The following BMP1 variants were observed in gnomAD, a reference collection of about 807,000 sequenced individuals.
BMP1 encodes bone morphogenetic protein 1.
A neutral mutation model predicts 116.8 loss-of-function variants in BMP1; 63 were observed. The observed-to-expected ratio is 0.54, with a 90% CI of 0.44 to 0.67. BMP1 has a LOEUF of 0.67. Among genes scored for constraint, BMP1 ranks in the 30% least tolerant of loss-of-function variants. BMP1 has a pLI of 0.00. For synonymous variants in BMP1, 536 were observed against 533.4 expected, an observed-to-expected ratio of 1.00 and a Z score of -0.07; for missense variants, 1,183 against 1,358.9, an observed-to-expected ratio of 0.87 and a Z score of 2.04.
intron 16 of BMP1, among the ~76,000 whole-genome samples, chr8:22,202,986 G>C (rs187134616): frequency 6.6e-6 from 1 of 152,086 alleles, no homozygotes; most frequent in Admixed American, 6.6e-5. Flanking sequence ...CTCCAGCCTG[G>C]GTGACAGAGT....
chr8:22,184,255 T>C (rs1828705355), intron 8 of BMP1, among the ~76,000 whole-genome samples: 1 of 152,190 alleles, frequency 6.6e-6, no homozygotes, highest in Admixed American at 6.5e-5. Flanking sequence ...GGGTATGGCA[T>C]TGGGCTAGGA....
In BMP1 at chr8:22,185,943, C is replaced by T. The variant is rs916658305; in HGVS notation, c.1077+5460C>T. The stretch of plus-strand genomic sequence containing the variant: ...CTCCGCCTCCCGGGTTCAAGTGATT[C>T]TCCTGCCTCAGCCTCCCCAGTAGCT... On this transcript the variant is annotated intron_variant, in intron 8 of 19. Transcript: ENST00000306385. Among the ~76,000 whole-genome samples the T allele has an allele frequency of 2.0e-5, 3 of 146,562 alleles. No homozygotes were observed. In the South Asian group the frequency reaches 6.5e-4, roughly 32 times the overall value.
intron 15 of BMP1, chr8:22,199,290 C>T (rs1167728780): frequency 7.3e-7 from 1 of 1,366,950 alleles, no homozygotes; most frequent in East Asian, 4.6e-5. Context: ...ACTTTTGGGA[C>T]ACCCACCGAG....
At chr8:22,195,087 T>C (rs539845038) in intron 12 of BMP1, among the ~76,000 whole-genome samples, 168 bp downstream of exon 12, 10 of 152,144 alleles carry the variant, frequency 6.6e-5, no homozygotes, top group African/African-American at 2.2e-4. Flanking sequence ...GGTCCCCCAA[T>C]GTGGATTAGA....
intron 1 of BMP1, chr8:22,169,595 G>C (rs1828218069): frequency 6.6e-6 from 1 of 152,282 alleles, no homozygotes; most frequent in Non-Finnish European, 1.5e-5. Context: ...CTGCAGAAGT[G>C]TTCACATGTG....
intron 16 of BMP1, among the ~76,000 whole-genome samples, chr8:22,203,999 C>G (rs1422816583): frequency 1.3e-5 from 2 of 152,228 alleles, no homozygotes; most frequent in East Asian, 3.8e-4. Context: ...TGTGTGGTTT[C>G]TTACTCAGGT....
At chr8:22,202,657 G>A (rs62494053) in intron 16 of BMP1, among the ~76,000 whole-genome samples, 24,864 of 152,206 alleles carry the variant, frequency 0.16, 2,160 homozygotes, top group African/African-American at 0.22. Flanking sequence ...AGACCAGCCT[G>A]AGCAACATAG....
At chr8:22,169,534 C>T (rs779686447) in intron 1 of BMP1, 1 of 152,294 alleles carries the variant, frequency 6.6e-6, no homozygotes, top group Non-Finnish European at 1.5e-5. Flanking sequence ...GCATGTTCAC[C>T]TGTGATCGGT....
chr8:22,201,006 C>CCCCCCCCCCCCCCCA, intron 15 of BMP1: 1 of 457,204 alleles, frequency 2.2e-6, no homozygotes, highest in Non-Finnish European at 4.0e-6. Flanking sequence ...CCACCCTGCC[C>CCCCCCCCCCCCCCCA]CTCAGATCCA....
chr8:22,197,051 C>A (rs1239644194), intron 14 of BMP1, among the ~76,000 whole-genome samples, 189 bp from the exon 15 acceptor site: 4 of 152,144 alleles, frequency 2.6e-5, no homozygotes, highest in African/African-American at 9.7e-5. Context: ...GGAGGAAGGA[C>A]ATGGAGTTAG....
At chr8:22,169,580 C>A (rs139287979) in intron 1 of BMP1, 1 of 152,382 alleles carries the variant, frequency 6.6e-6, no homozygotes, top group African/African-American at 2.4e-5. Context: ...GGCAAACATG[C>A]ACCTCTGCAG....
chr8:22,178,035 C>G (rs181103838), intron 6 of BMP1, 78 bp downstream of exon 6: 1 of 1,209,256 alleles, frequency 8.3e-7, no homozygotes, highest in East Asian at 2.4e-5. Flanking sequence ...CCTCCTGCCT[C>G]CCACTTCTGG....
rs1300045983 is a variant in BMP1, at chr8:22,165,422, G to C, written c.17G>C (p.Arg6Pro). The C allele has an allele frequency of 6.5e-7, 1 of 1,540,526 alleles. No individual in the cohort carries two copies. The highest frequency in any genetic ancestry group is 8.7e-7 in the Non-Finnish European group (1 of 1,149,832). MPGVARLPLLLGLLLL... is the reference protein window; with the variant it reads MPGVAPLPLLLGLLLL... ...CCCGCCAGCATGCCCGGCGTGGCCC[G>C]CCTGCCGCTGCTGCTCGGGCTGCTG... Residue 6 changes from arginine to proline, a missense_variant, in exon 1 of 20, where the codon CGC (arginine) becomes CCC (proline). By Grantham distance (103) the Arg-to-Pro change is moderately radical. This residue lies in a region of BMP1 where 185 missense variants were observed against 158.9 expected (regional missense o/e 1.16). Transcript: ENST00000306385.
rs1309776893 is a variant in BMP1, at chr8:22,192,170, C to T, written c.1180+19C>T. On this transcript the variant is annotated intron_variant, in intron 9 of 19. Coordinates refer to ENST00000306385, the MANE Select transcript of BMP1 (RefSeq NM_006129.5). The stretch of plus-strand genomic sequence containing the variant: ...CTCCGAGGTAACGGCACCAGCCACC[C>T]CCTGCCCCCTCCATGCTGATTCCCT... 1.3e-6 allele frequency: 2 copies of T among 1,595,918 alleles called. No homozygotes were observed. The highest frequency in any genetic ancestry group is 8.6e-7 in the Non-Finnish European group (1 of 1,165,254).
At chr8:22,189,036 T>C (rs1828857678) in intron 8 of BMP1, among the ~76,000 whole-genome samples, 1 of 152,220 alleles carries the variant, frequency 6.6e-6, no homozygotes, top group African/African-American at 2.4e-5. Context: ...GTTTGTTAGA[T>C]ATACAAATAA....
chr8:22,176,988 CGGGG>C lies in BMP1; in HGVS notation c.581_584del (p.Gly194AlafsTer56). On this transcript the variant is annotated frameshift_variant, in exon 5 of 20. Transcript: ENST00000306385. LOFTEE classifies it high-confidence loss of function. ...GCTGCTCCTACGTGGGTCGCCGCGG[CGGGG>C]GCCCCCAGGCCATCTCCATCGGCAA... The C allele has an allele frequency of 1.2e-6, 2 of 1,612,050 alleles. No homozygotes were observed. Among genetic ancestry groups the C allele is most frequent in the Non-Finnish European group, 1.7e-6 (2 of 1,179,268 alleles).
chr8:22,165,420 C>A lies in BMP1; in HGVS notation c.15C>A (p.Ala5=). ...GCCCCGCCAGCATGCCCGGCGTGGC[C>A]CGCCTGCCGCTGCTGCTCGGGCTGC... is the stretch of plus-strand genomic sequence containing the variant. The part of the protein sequence containing the change: MPGV[A]RLPLLLGLLL... Residue 5 remains alanine, a synonymous_variant, in exon 1 of 20, where the codon GCC becomes GCA. Coordinates refer to ENST00000306385, the MANE Select transcript of BMP1 (RefSeq NM_006129.5). The A allele has an allele frequency of 1.3e-6, 2 of 1,537,258 alleles. No homozygotes were observed. Among genetic ancestry groups the A allele is most frequent in the Non-Finnish European group, 1.7e-6 (2 of 1,148,516 alleles).
intron 6 of BMP1, among the ~76,000 whole-genome samples, chr8:22,178,942 A>G (rs995635886): frequency 6.6e-6 from 1 of 152,118 alleles, no homozygotes; most frequent in Non-Finnish European, 1.5e-5. Flanking sequence ...ACAGAGACCA[A>G]GGAAGGGTGG....
intron 1 of BMP1, among the ~76,000 whole-genome samples, chr8:22,166,006 A>G (rs1455139365): frequency 6.6e-6 from 1 of 151,446 alleles, no homozygotes; most frequent in Admixed American, 6.6e-5. Context: ...GGGGCTGCAC[A>G]TCTGTCTGGC....
Sources: allele counts gnomAD v4.1 joint callset (sites outside exome capture counted in the v4.1 genomes callset), GRCh38; gene constraint gnomAD v4.1.1; regional missense constraint gnomAD v4.1.1; transcripts MANE v1.5; gene names NCBI Gene and HGNC (gene_info 2026-07-23, HGNC 2026-07-21).